The following UTRN variants were observed in gnomAD, a reference collection of about 807,000 sequenced individuals.
UTRN encodes the protein dystrophin-related protein 1.
Under a neutral mutation model 463.9 loss-of-function variants are expected in UTRN, and 283 were observed. The observed-to-expected ratio is 0.61, with a 90% CI of 0.55 to 0.67. The LOEUF (loss-of-function observed/expected upper bound fraction) is 0.67, where lower values mean the gene tolerates loss of function less well. Ranked by LOEUF, UTRN falls within the 30% of genes least tolerant of loss-of-function variation. UTRN has a pLI of 0.00. For synonymous variants in UTRN, 1,442 were observed against 1,431.5 expected, an observed-to-expected ratio of 1.01 and a Z score of -0.17; for missense variants, 3,922 against 4,084.3, an observed-to-expected ratio of 0.96 and a Z score of 1.08.
chr6:144,467,393 A>T (rs1256546864), intron 23 of UTRN, among the ~76,000 whole-genome samples: 2 of 152,210 alleles, frequency 1.3e-5, no homozygotes, highest in African/African-American at 4.8e-5. Context: ...CTCTCTTCCC[A>T]CGAGGCATGA....
chr6:144,442,401 C>G (rs1466594759), intron 13 of UTRN, among the ~76,000 whole-genome samples: 1 of 152,166 alleles, frequency 6.6e-6, no homozygotes, highest in Non-Finnish European at 1.5e-5. Flanking sequence ...AAAGTCACTT[C>G]TACATTTTAG....
rs1789169765 is a variant in UTRN at position 144,459,232 on chromosome 6, G to T, written c.2585G>T (p.Cys862Phe). 6.2e-7 allele frequency: 1 copy of T among 1,613,980 alleles called. No homozygotes were observed. Among genetic ancestry groups the T allele is most frequent in the Non-Finnish European group, 8.5e-7 (1 of 1,179,982 alleles). ...AAAATTGAAATGGCTCGTGCAAGCT[G>T]CTCGGCCCTGATGTCTCAGCCTTCT... is the stretch of plus-strand genomic sequence containing the variant. ...HPKIEMARAS[C>F]SALMSQPSAP... is the part of the protein sequence containing the mutation. The change falls in exon 21 of 75, where the codon TGC becomes TTC. Residue 862 changes from cysteine to phenylalanine, a missense_variant. Physicochemically the swap from Cys to Phe is radical, Grantham distance 205. Around this residue, in one of 3 missense-constraint regions of UTRN, gnomAD observed 2,349 missense variants for 2,303.8 expected, o/e 1.02. Coordinates refer to ENST00000367545, the MANE Select transcript of UTRN (RefSeq NM_007124.3).
At chr6:144,444,657 T>C (rs2114911530) in intron 14 of UTRN, among the ~76,000 whole-genome samples, 1 of 152,336 alleles carries the variant, frequency 6.6e-6, no homozygotes, top group Non-Finnish European at 1.5e-5. Flanking sequence ...TTTGACATCA[T>C]AGTTATTAGT....
At chr6:144,598,306 G>A (rs948212647) in intron 51 of UTRN, among the ~76,000 whole-genome samples, 5 of 152,196 alleles carry the variant, frequency 3.3e-5, no homozygotes, top group African/African-American at 7.2e-5. Context: ...CTTCCATGTC[G>A]TAGGAGGATT....
chr6:144,419,973 G>GACACAGAC (rs1784688296), intron 3 of UTRN, among the ~76,000 whole-genome samples: 3 of 147,910 alleles, frequency 2.0e-5, no homozygotes, highest in Admixed American at 1.4e-4. Context: ...CACAGACACA[G>GACACAGAC]ACACACACAC....
At chr6:144,383,952 A>G (rs1163085886) in intron 2 of UTRN, among the ~76,000 whole-genome samples, 1 of 152,346 alleles carries the variant, frequency 6.6e-6, no homozygotes, top group East Asian at 1.9e-4. Context: ...TTATAGGGGA[A>G]TATATGAAAA....
intron 47 of UTRN, 94 bp downstream of exon 47, chr6:144,548,948 A>G: frequency 7.6e-7 from 1 of 1,311,800 alleles, no homozygotes; most frequent in East Asian, 2.5e-5. Context: ...CTAAACTATG[A>G]GAGAATGAGG....
chr6:144,447,083 A>T, intron 14 of UTRN, 128 bp from the exon 15 acceptor site: 1 of 733,684 alleles, frequency 1.4e-6, no homozygotes, highest in South Asian at 1.9e-5. Flanking sequence ...TAGGTGTTTG[A>T]AGGCCTTCTT....
At chr6:144,461,782 G>T (rs939516651) in intron 22 of UTRN, among the ~76,000 whole-genome samples, 1 of 152,158 alleles carries the variant, frequency 6.6e-6, no homozygotes, top group Non-Finnish European at 1.5e-5. Flanking sequence ...TGGGTTTGCT[G>T]TTCCCTTGGT....
At chr6:144,477,546 A>T (rs1791352955) in intron 25 of UTRN, among the ~76,000 whole-genome samples, 1 of 151,312 alleles carries the variant, frequency 6.6e-6, no homozygotes, top group South Asian at 2.1e-4. Context: ...ACACACACAC[A>T]CACACACACA....
chr6:144,288,003 C>T (rs933079506), intron 1 of UTRN, among the ~76,000 whole-genome samples: 5 of 152,172 alleles, frequency 3.3e-5, no homozygotes, highest in Admixed American at 1.3e-4. Context: ...ATGCATTGTT[C>T]GTGGTGAAAC....
chr6:144,795,824 C>T lies in UTRN; in HGVS notation c.9078+1833C>T, dbSNP rs9403609. 1.5e-3 allele frequency among the ~76,000 whole-genome samples: 235 copies of T among 152,212 alleles called. 6 individuals carry two copies. The East Asian group carries it at 0.038, about 25-fold the overall frequency. The stretch of plus-strand genomic sequence containing the variant: ...AATTTTCTCCCATTTTGTAGGTTGC[C>T]TGTTCACTCTGATGATAGGTGTTTT... On this transcript the variant is annotated intron_variant, in intron 63 of 74. Coordinates refer to ENST00000367545, the MANE Select transcript of UTRN (RefSeq NM_007124.3).
At chr6:144,635,530 C>CTTTTTT (rs1562685915) in intron 51 of UTRN, among the ~76,000 whole-genome samples, 16 of 59,084 alleles carry the variant, frequency 2.7e-4, no homozygotes, top group South Asian at 6.6e-4. Context: ...TTTTTTTTTT[C>CTTTTTT]TTTTCTTTTT....
intron 50 of UTRN, among the ~76,000 whole-genome samples, chr6:144,572,901 G>A (rs1010756779): frequency 2.0e-5 from 3 of 152,060 alleles, no homozygotes; most frequent in Non-Finnish European, 2.9e-5. Flanking sequence ...ATAATCTTTT[G>A]CATATATACC....
At chr6:144,738,104 C>T (rs1440430891) in intron 54 of UTRN, among the ~76,000 whole-genome samples, 1 of 152,188 alleles carries the variant, frequency 6.6e-6, no homozygotes, top group Non-Finnish European at 1.5e-5. Flanking sequence ...CAATGACTTC[C>T]TTAACCTCTG....
intron 20 of UTRN, 42 bp from the exon 21 acceptor site, chr6:144,459,132 T>C (rs771561078): frequency 1.1e-5 from 18 of 1,587,620 alleles, no homozygotes; most frequent in Non-Finnish European, 1.5e-5. Flanking sequence ...GTGAGGATGT[T>C]CATCTTCAGT....
intron 64 of UTRN, among the ~76,000 whole-genome samples, chr6:144,802,543 T>A (rs1262476118): frequency 6.6e-6 from 1 of 152,202 alleles, no homozygotes; most frequent in Non-Finnish European, 1.5e-5. Flanking sequence ...CAAGTACAAG[T>A]CAATGTGCAG....
At chr6:144,846,286 G>A (rs1260857370) in intron 73 of UTRN, among the ~76,000 whole-genome samples, 1 of 152,194 alleles carries the variant, frequency 6.6e-6, no homozygotes, top group Non-Finnish European at 1.5e-5. Flanking sequence ...ATTATCCCAA[G>A]TGTCCAGAAG....
intron 33 of UTRN, among the ~76,000 whole-genome samples, chr6:144,494,732 G>A (rs1380347967): frequency 6.6e-6 from 1 of 152,052 alleles, no homozygotes; most frequent in Non-Finnish European, 1.5e-5. Context: ...GGTTCTCCAA[G>A]GCCCCACCAG....
Sources: gnomAD v4.1 joint callset for allele counts (sites outside exome capture counted in the v4.1 genomes callset) on GRCh38, gnomAD v4.1.1 for gene constraint, gnomAD v4.1.1 regional missense constraint, MANE v1.5 for transcripts, NCBI Gene and HGNC (gene_info 2026-07-23, HGNC 2026-07-21) for gene names.